The following RNF130 variants were observed in gnomAD, a reference collection of about 807,000 sequenced individuals.
RNF130 encodes the protein E3 ubiquitin-protein ligase RNF130.
Under a neutral mutation model 44.6 loss-of-function variants are expected in RNF130, and 21 were observed. The ratio of observed to expected loss-of-function variants is 0.47; its 90% CI spans 0.33 to 0.68. The LOEUF (loss-of-function observed/expected upper bound fraction) is 0.68, where lower values mean the gene tolerates loss of function less well. Among genes scored for constraint, RNF130 ranks in the 30% least tolerant of loss-of-function variants. RNF130 has a pLI of 0.02. For synonymous variants in RNF130, 214 were observed against 210.4 expected, an observed-to-expected ratio of 1.02 and a Z score of -0.15; for missense variants, 479 against 560.6, an observed-to-expected ratio of 0.85 and a Z score of 1.47.
intron 1 of RNF130, among the ~76,000 whole-genome samples, chr5:180,068,132 A>G (rs1020231237): frequency 6.6e-5 from 10 of 152,234 alleles, no homozygotes; most frequent in Non-Finnish European, 1.3e-4. Flanking sequence ...ATCTGCATAC[A>G]TAATCACATC....
intron 7 of RNF130, among the ~76,000 whole-genome samples, chr5:179,926,272 T>C (rs938005607): frequency 7.2e-5 from 11 of 152,256 alleles, no homozygotes; most frequent in African/African-American, 2.7e-4. Flanking sequence ...ACAGCCATCA[T>C]GGGCCACTGT....
chr5:179,980,127 A>C lies in RNF130; in HGVS notation c.765+2T>G. ...GGTGCTGAAGTTGTTTCATGACTGT[A>C]CCTTGTCACCCTTCTTTACTGTCCT... On this transcript the variant is annotated splice_donor_variant, in intron 4 of 8. Coordinates refer to ENST00000521389, the MANE Select transcript of RNF130 (RefSeq NM_018434.6). LOFTEE classifies it high-confidence loss of function. 2 of 1,613,880 alleles carry C rather than the reference A, an allele frequency of 1.2e-6. No homozygotes were observed. The highest frequency in any genetic ancestry group is 1.7e-6 in the Non-Finnish European group (2 of 1,179,798).
intron 3 of RNF130, among the ~76,000 whole-genome samples, chr5:179,990,944 CTTG>C (rs1459325360): frequency 1.3e-5 from 2 of 152,064 alleles, no homozygotes; most frequent in Non-Finnish European, 2.9e-5. Flanking sequence ...TAGTATAATT[CTTG>C]TTATTTTATA....
intron 1 of RNF130, among the ~76,000 whole-genome samples, chr5:180,056,899 A>C (rs1049646668): frequency 6.6e-6 from 1 of 152,206 alleles, no homozygotes; most frequent in Admixed American, 6.5e-5. Context: ...ATGTGAGCAA[A>C]AGAAACTAGT....
exon 8 of RNF130, chr5:179,918,706 G>A (rs1389858119): frequency 6.6e-6 from 1 of 152,138 alleles, no homozygotes; most frequent in Non-Finnish European, 1.5e-5. Context: ...AAAGCCCTTG[G>A]TAAAAGGTAA....
At chr5:180,068,900 G>C (rs1002804617) in intron 1 of RNF130, among the ~76,000 whole-genome samples, 2 of 152,156 alleles carry the variant, frequency 1.3e-5, no homozygotes, top group African/African-American at 4.8e-5. Context: ...TCAACGTGCA[G>C]TAAGTCCTCA....
At chr5:179,950,610 G>A (rs924598551), downstream of RNF130, among the ~76,000 whole-genome samples, 1 of 152,222 alleles carries the variant, frequency 6.6e-6, no homozygotes, top group Non-Finnish European at 1.5e-5. Flanking sequence ...AAAGGCAGAT[G>A]ACAAATGTTC....
At chr5:180,058,549 G>A (rs1431022799) in intron 1 of RNF130, among the ~76,000 whole-genome samples, 1 of 151,936 alleles carries the variant, frequency 6.6e-6, no homozygotes, top group Non-Finnish European at 1.5e-5. Flanking sequence ...GTCATTTAAT[G>A]GGTATGTTTT....
intron 3 of RNF130, among the ~76,000 whole-genome samples, chr5:179,997,620 G>A (rs1226370012): frequency 2.0e-5 from 3 of 151,970 alleles, no homozygotes; most frequent in Admixed American, 6.6e-5. Flanking sequence ...GAGCCACCGC[G>A]AGTGGCCTTA....
intron 5 of RNF130, among the ~76,000 whole-genome samples, chr5:179,974,712 G>C (rs766125266): frequency 6.6e-6 from 1 of 152,226 alleles, no homozygotes; most frequent in Non-Finnish European, 1.5e-5. Context: ...GGCTTTGAAA[G>C]AGAGTTTTAA....
intron 1 of RNF130, among the ~76,000 whole-genome samples, chr5:180,057,879 T>C (rs1182680015): frequency 1.3e-5 from 2 of 152,190 alleles, no homozygotes; most frequent in Non-Finnish European, 2.9e-5. Context: ...TCAAGACAGA[T>C]GTGTGGGTAC....
intron 4 of RNF130, among the ~76,000 whole-genome samples, chr5:179,979,641 T>C (rs1483271355): frequency 6.6e-6 from 1 of 152,116 alleles, no homozygotes; most frequent in East Asian, 1.9e-4. Flanking sequence ...GTTAGAGGTC[T>C]CCGCCACAGC....
chr5:179,971,175 T>C (rs2113708195), intron 5 of RNF130, among the ~76,000 whole-genome samples: 1 of 152,234 alleles, frequency 6.6e-6, no homozygotes, highest in African/African-American at 2.4e-5. Context: ...TACAGGGTTT[T>C]GCATTCTTAA....
chr5:180,068,650 G>C (rs1346819110), intron 1 of RNF130, among the ~76,000 whole-genome samples: 1 of 152,214 alleles, frequency 6.6e-6, no homozygotes, highest in African/African-American at 2.4e-5. Context: ...GTGCCAAACT[G>C]ATAGTAGCAC....
At chr5:179,979,379 C>T (rs1223669648) in intron 4 of RNF130, among the ~76,000 whole-genome samples, 1 of 150,562 alleles carries the variant, frequency 6.6e-6, no homozygotes, top group Admixed American at 6.7e-5. Context: ...GGGTAAAGTC[C>T]AAGAAATTGG....
intron 2 of RNF130, among the ~76,000 whole-genome samples, chr5:180,027,991 G>A (rs948415753): frequency 6.6e-6 from 1 of 152,200 alleles, no homozygotes; most frequent in African/African-American, 2.4e-5. Context: ...GTTACTAAGC[G>A]ACAGTCCCTG....
At chr5:179,981,948 T>A (rs1762850330) in intron 3 of RNF130, among the ~76,000 whole-genome samples, 1 of 152,228 alleles carries the variant, frequency 6.6e-6, no homozygotes, top group Non-Finnish European at 1.5e-5. Flanking sequence ...AGTTACAGTT[T>A]GAAGTTGCAT....
intron 6 of RNF130, among the ~76,000 whole-genome samples, chr5:179,967,630 A>G (rs1446517425): frequency 6.6e-6 from 1 of 151,800 alleles, no homozygotes; most frequent in Non-Finnish European, 1.5e-5. Context: ...TGAGCACCAA[A>G]AGTCTTCCGT....
At chr5:180,030,951 TAAC>T (rs1022192971) in intron 2 of RNF130, among the ~76,000 whole-genome samples, 14 of 152,236 alleles carry the variant, frequency 9.2e-5, no homozygotes, top group African/African-American at 3.4e-4. Flanking sequence ...ATCCCTGAAA[TAAC>T]AAGACCAACC....
Sources: gnomAD v4.1 joint callset for allele counts (sites outside exome capture counted in the v4.1 genomes callset) on GRCh38, gnomAD v4.1.1 for gene constraint, MANE v1.5 for transcripts, NCBI Gene and HGNC (gene_info 2026-07-23, HGNC 2026-07-21) for gene names.